Variants in HHLA2 observed in about 807,000 individuals in gnomAD.
The protein encoded by HHLA2 is HHLA2 member of B7 family, also known as HERV-H LTR-associating protein 2.
HHLA2 carries 48 observed loss-of-function variants against 45.9 expected under a neutral mutation model. The observed-to-expected ratio is 1.05, with a 90% CI of 0.83 to 1.33. The LOEUF (loss-of-function observed/expected upper bound fraction) is 1.33, where lower values mean the gene tolerates loss of function less well. Ranked by LOEUF, HHLA2 falls within the 40% of genes most tolerant of loss-of-function variation. The probability of loss-of-function intolerance (pLI) is 0.00; values close to 1 mark genes in which losing one functional copy is unlikely to be tolerated. For missense variants in HHLA2, 462 were observed against 494.3 expected (o/e 0.93, Z 0.62); for synonymous variants, 161 against 173.9 (o/e 0.93, Z 0.59).
intron 2 of HHLA2, among the ~76,000 whole-genome samples, chr3:108,317,294 AG>A (rs1199954129): frequency 6.6e-6 from 1 of 152,234 alleles, no homozygotes; most frequent in Admixed American, 6.5e-5. Flanking sequence ...ATTTCTAACC[AG>A]GATTTTTTTA....
rs1015252502 is a variant in HHLA2 at position 108,355,413 on chromosome 3, G to A, written c.685+32G>A. 4 of 1,587,400 alleles carry A rather than the reference G, an allele frequency of 2.5e-6. No individual in the cohort carries two copies. The South Asian group carries it at 3.5e-5, about 14-fold the overall frequency. On this transcript the variant is annotated intron_variant, in intron 6 of 10. Transcript: ENST00000619531. ...TCCACAGGACTTTCTGTGTACACGT[G>A]CTGTTTCAAAGTTGGGGGGTAATGG...
chr3:108,333,598 CAAAAAAAA>C (rs5851586), intron 3 of HHLA2, among the ~76,000 whole-genome samples: 44 of 108,236 alleles, frequency 4.1e-4, no homozygotes, highest in Admixed American at 1.1e-3. Context: ...TCTCAGTAAC[CAAAAAAAA>C]AAAAAAAAAA....
At chr3:108,364,939 T>C (rs889419073) in intron 8 of HHLA2, among the ~76,000 whole-genome samples, 15 of 152,234 alleles carry the variant, frequency 9.9e-5, no homozygotes, top group Admixed American at 9.2e-4. Flanking sequence ...TCTCCCATTC[T>C]GTAGGTTGCC....
intron 2 of HHLA2, among the ~76,000 whole-genome samples, chr3:108,327,722 C>A (rs1238700367): frequency 6.6e-6 from 1 of 152,180 alleles, no homozygotes; most frequent in Non-Finnish European, 1.5e-5. Flanking sequence ...TGGTTAAATT[C>A]TATATCTAAA....
intron 8 of HHLA2, among the ~76,000 whole-genome samples, chr3:108,368,270 A>ACT (rs2082100638): frequency 6.6e-6 from 1 of 152,008 alleles, no homozygotes; most frequent in South Asian, 2.1e-4. Context: ...TAATATAAAG[A>ACT]CCAACAACAC....
intron 6 of HHLA2, among the ~76,000 whole-genome samples, chr3:108,356,029 CTTTTT>C (rs3053487): frequency 1.6e-3 from 192 of 118,216 alleles, no homozygotes; most frequent in African/African-American, 5.9e-3. Flanking sequence ...ATTTGTTTTC[CTTTTT>C]TTTTTTTTTT....
chr3:108,367,469 A>G (rs2082083183), intron 8 of HHLA2, among the ~76,000 whole-genome samples: 1 of 152,076 alleles, frequency 6.6e-6, no homozygotes, highest in South Asian at 2.1e-4. Context: ...ATAAAAGGTT[A>G]CAGGAACTGC....
At chr3:108,346,382 G>C (rs2081661145) in intron 3 of HHLA2, among the ~76,000 whole-genome samples, 1 of 152,146 alleles carries the variant, frequency 6.6e-6, no homozygotes, top group African/African-American at 2.4e-5. Context: ...ACATCCCCAG[G>C]ATGCTACAAA....
At chr3:108,350,434 ACT>A (rs939263865) in intron 3 of HHLA2, among the ~76,000 whole-genome samples, 2 of 152,158 alleles carry the variant, frequency 1.3e-5, no homozygotes, top group Admixed American at 6.5e-5. Flanking sequence ...TAAAAATGAA[ACT>A]CTAAATTATT....
At chr3:108,309,995 G>A (rs1166015864) in intron 1 of HHLA2, among the ~76,000 whole-genome samples, 4 of 152,016 alleles carry the variant, frequency 2.6e-5, no homozygotes, top group Non-Finnish European at 4.4e-5. Flanking sequence ...TATTCTTTGG[G>A]TTATAATCTA....
At chr3:108,343,984 T>A (rs2081618825) in intron 3 of HHLA2, among the ~76,000 whole-genome samples, 3 of 152,350 alleles carry the variant, frequency 2.0e-5, no homozygotes, top group African/African-American at 7.2e-5. Flanking sequence ...GTTCACTGTA[T>A]CATTGTAGAG....
At chr3:108,319,508 A>C (rs2081162078) in intron 2 of HHLA2, among the ~76,000 whole-genome samples, 2 of 152,218 alleles carry the variant, frequency 1.3e-5, no homozygotes, top group Admixed American at 1.3e-4. Flanking sequence ...GCTTCTCTGA[A>C]GAACCCAAAA....
chr3:108,372,539 G>A (rs1257774669), intron 8 of HHLA2, among the ~76,000 whole-genome samples: 1 of 151,056 alleles, frequency 6.6e-6, no homozygotes, highest in Non-Finnish European at 1.5e-5. Context: ...GAATCCAGGA[G>A]CTGGTTTTTT....
At chr3:108,351,709 T>C (rs9846218) in intron 3 of HHLA2, 79 bp from the exon 3 acceptor site, 498,108 of 766,938 alleles carry the variant, frequency 0.65, 167,102 homozygotes, top group African/African-American at 0.77. Flanking sequence ...AACAATTATT[T>C]GTATGAATGT....
intron 1 of HHLA2, among the ~76,000 whole-genome samples, chr3:108,301,553 C>T (rs2080849142): frequency 6.6e-6 from 1 of 152,076 alleles, no homozygotes; most frequent in African/African-American, 2.4e-5. Flanking sequence ...TTTTCCTCCC[C>T]TGCCCCCAAT....
intron 8 of HHLA2, 91 bp downstream of exon 7, chr3:108,362,537 A>G: frequency 1.2e-6 from 1 of 816,644 alleles, no homozygotes; most frequent in Non-Finnish European, 2.0e-6. Context: ...GCTACTGGGC[A>G]TGTAATTGAT....
At chr3:108,358,229 G>GA in intron 7 of HHLA2, 68 bp downstream of exon 6, 1 of 1,127,848 alleles carries the variant, frequency 8.9e-7, no homozygotes, top group Non-Finnish European at 1.3e-6. Flanking sequence ...ATATCAAAGA[G>GA]AAAATTAGGT....
chr3:108,368,630 A>T (rs892511459), intron 8 of HHLA2, among the ~76,000 whole-genome samples: 1 of 151,844 alleles, frequency 6.6e-6, no homozygotes, highest in Non-Finnish European at 1.5e-5. Context: ...AGATCAAAAA[A>T]GACAAAGACG....
chr3:108,328,311 T>C, exon 3 of HHLA2: 1 of 1,530,638 alleles, frequency 6.5e-7, no homozygotes, highest in Non-Finnish European at 8.7e-7. Context: ...GTGATGGTGA[T>C]GTGGAATATA....
Sources: allele counts gnomAD v4.1 joint callset (sites outside exome capture counted in the v4.1 genomes callset), GRCh38; gene constraint gnomAD v4.1.1; transcripts MANE v1.5; gene names NCBI Gene and HGNC (gene_info 2026-07-23, HGNC 2026-07-21).